PLCE1: variants seen among roughly 807,000 people sequenced by gnomAD.
PLCE1 encodes the protein 1-phosphatidylinositol 4,5-bisphosphate phosphodiesterase epsilon-1.
Under a neutral mutation model 242.8 loss-of-function variants are expected in PLCE1, and 119 were observed. The observed-to-expected ratio is 0.49, with a 90% CI of 0.42 to 0.57. The LOEUF is 0.57. Among genes scored for constraint, PLCE1 ranks in the 20% least tolerant of loss-of-function variants. The pLI, the probability that PLCE1 is intolerant of heterozygous loss-of-function variation, is 0.00. For missense variants in PLCE1, 2,441 were observed against 2,788.8 expected (o/e 0.88, Z 2.81); for synonymous variants, 945 against 1,017.4 (o/e 0.93, Z 1.35).
chr10:94,299,630 A>G (rs537482531), intron 24 of PLCE1, among the ~76,000 whole-genome samples: 1 of 152,332 alleles, frequency 6.6e-6, no homozygotes, highest in East Asian at 1.9e-4. Flanking sequence ...ACTGAATCCA[A>G]TCTCATCTAA....
At chr10:94,224,263 C>T (rs981350753) in intron 4 of PLCE1, among the ~76,000 whole-genome samples, 1 of 152,076 alleles carries the variant, frequency 6.6e-6, no homozygotes, top group African/African-American at 2.4e-5. Flanking sequence ...TTTTTCCTAG[C>T]ATTGTGGGAA....
intron 13 of PLCE1, 69 bp downstream of exon 13, chr10:94,259,219 C>G: frequency 6.9e-7 from 1 of 1,453,952 alleles, no homozygotes; most frequent in Non-Finnish European, 9.7e-7. Context: ...GAGGTCCAGT[C>G]ACACAAACTC....
At chr10:94,010,873 A>G (rs1342984176) in intron 1 of PLCE1, among the ~76,000 whole-genome samples, 1 of 152,192 alleles carries the variant, frequency 6.6e-6, no homozygotes, top group African/African-American at 2.4e-5. Flanking sequence ...TATTTTGGTC[A>G]TGACCATTTA....
chr10:94,049,449 G>T (rs2043701468), intron 2 of PLCE1, among the ~76,000 whole-genome samples: 1 of 152,166 alleles, frequency 6.6e-6, no homozygotes, highest in African/African-American at 2.4e-5. Context: ...CCATACATGT[G>T]TGGGCCTTCT....
chr10:94,262,474 C>A lies in PLCE1; in HGVS notation c.3815-20C>A. 6.7e-7 allele frequency: 1 copy of A among 1,491,902 alleles called. No homozygotes were observed. The highest frequency in any genetic ancestry group is 1.1e-5 in the South Asian group (1 of 88,528). The allele number at this position is 1,491,902 out of a possible 1,614,324, so 92.4% of individuals were successfully genotyped here. Reference sequence around the variant, plus strand: ...AGATGCTGGCTATCTTGTCCATGTACTGTGGTGATTCTGTTTCAGATCTGT... The same window carrying A: ...AGATGCTGGCTATCTTGTCCATGTAATGTGGTGATTCTGTTTCAGATCTGT... On this transcript the variant is annotated intron_variant, in intron 13 of 32. Coordinates refer to ENST00000371380, the MANE Select transcript of PLCE1 (RefSeq NM_016341.4).
chr10:94,045,989 C>T (rs1339568753), intron 2 of PLCE1, among the ~76,000 whole-genome samples: 1 of 151,622 alleles, frequency 6.6e-6, no homozygotes, highest in Non-Finnish European at 1.5e-5. Context: ...GTAATAATAA[C>T]CTTAGTTGGT....
At chr10:94,217,084 G>A (rs953047174) in intron 4 of PLCE1, among the ~76,000 whole-genome samples, 3 of 150,970 alleles carry the variant, frequency 2.0e-5, no homozygotes, top group Non-Finnish European at 4.4e-5. Context: ...GCATGGTAAT[G>A]TAAAAGCACA....
intron 29 of PLCE1, among the ~76,000 whole-genome samples, chr10:94,320,438 C>G (rs2053757188): frequency 6.6e-6 from 1 of 152,134 alleles, no homozygotes; most frequent in Admixed American, 6.5e-5. Flanking sequence ...AGAAGCCAGT[C>G]CTTTCTGGCC....
intron 1 of PLCE1, among the ~76,000 whole-genome samples, chr10:94,016,082 G>T (rs986736465): frequency 6.6e-6 from 1 of 152,150 alleles, no homozygotes; most frequent in Non-Finnish European, 1.5e-5. Flanking sequence ...ACAGGTGAGA[G>T]TATGTGTGGC....
intron 1 of PLCE1, among the ~76,000 whole-genome samples, chr10:94,020,862 C>T (rs1030732096): frequency 6.6e-6 from 1 of 152,162 alleles, no homozygotes; most frequent in African/African-American, 2.4e-5. Context: ...CAGAGTCTCA[C>T]TCTGTTACCC....
intron 3 of PLCE1, among the ~76,000 whole-genome samples, chr10:94,159,234 T>C (rs970397506): frequency 1.3e-4 from 20 of 152,186 alleles, no homozygotes; most frequent in African/African-American, 3.9e-4. Flanking sequence ...TTTTGTGAGC[T>C]CATCTTTTTC....
At position 94,284,899 on chromosome 10, in the gene PLCE1, G is replaced by C; in HGVS notation, c.4969G>C (p.Glu1657Gln). The C allele has an allele frequency of 6.2e-7, 1 of 1,612,146 alleles. No homozygotes were observed. Among genetic ancestry groups the C allele is most frequent in the Non-Finnish European group, 8.5e-7 (1 of 1,178,342 alleles). The change falls in exon 22 of 33, where the codon GAA (glutamate) becomes CAA (glutamine). Residue 1657 changes from glutamate (E) to glutamine (Q), a missense_variant. By Grantham distance (29) the Glu-to-Gln change is conservative. Transcript: ENST00000371380. ...ATTTTATCTTGATCAGAATAAAAAG[G>C]AAAGCAGACAGATTGCACCAGAGCT... ...EEFYLDQNKK[E>Q]SRQIAPELSD...
At chr10:94,282,815 C>CAGTAACGGTCCT (rs2052289776) in intron 20 of PLCE1, among the ~76,000 whole-genome samples, 1 of 152,188 alleles carries the variant, frequency 6.6e-6, no homozygotes, top group Admixed American at 6.5e-5. Flanking sequence ...GCCTCCCCTG[C>CAGTAACGGTCCT]TCCTAACGGT....
intron 22 of PLCE1, among the ~76,000 whole-genome samples, chr10:94,286,497 A>C (rs1449749206): frequency 6.6e-6 from 1 of 152,198 alleles, no homozygotes; most frequent in Non-Finnish European, 1.5e-5. Context: ...TTTTAAAATC[A>C]CAGTTAGGTA....
chr10:94,325,064 T>A lies in PLCE1; in HGVS notation c.6893T>A (p.Met2298Lys). ...PVGGLSSSDT[M>K]DYRQ ...GGTGGCTTGTCCTCCAGTGACACAA[T>A]GGATTACCGACAGTGACTAAGGGCA... is the stretch of plus-strand genomic sequence containing the variant. Residue 2298 changes from methionine (M) to lysine (K), a missense_variant, in exon 32 of 33, where the codon ATG (methionine) becomes AAG (lysine). Met to Lys is a moderately conservative substitution (Grantham distance 95, BLOSUM62 -1). Coordinates refer to ENST00000371380, the MANE Select transcript of PLCE1 (RefSeq NM_016341.4). 1.2e-6 allele frequency: 2 copies of A among 1,614,116 alleles called. No individual in the cohort carries two copies. Among genetic ancestry groups the A allele is most frequent in the Non-Finnish European group, 1.7e-6 (2 of 1,179,970 alleles).
intron 18 of PLCE1, among the ~76,000 whole-genome samples, chr10:94,272,094 G>A (rs891064222): frequency 2.6e-5 from 4 of 152,088 alleles, no homozygotes; most frequent in Admixed American, 1.3e-4. Context: ...CAGAAAACAG[G>A]GTTCAAGAGC....
chr10:94,279,143 C>T (rs1331381675), intron 19 of PLCE1: 3 of 152,428 alleles, frequency 2.0e-5, no homozygotes, highest in Non-Finnish European at 4.4e-5. Context: ...TAGGTAGGTT[C>T]CCAGACCTGT....
At chr10:94,210,834 A>G (rs533832690) in intron 4 of PLCE1, among the ~76,000 whole-genome samples, 1 of 152,312 alleles carries the variant, frequency 6.6e-6, no homozygotes, top group East Asian at 1.9e-4. Flanking sequence ...TAATGAAGAC[A>G]AATAGCAATG....
intron 27 of PLCE1, 46 bp downstream of exon 27, chr10:94,308,745 A>G (rs768179886): frequency 2.3e-6 from 3 of 1,288,938 alleles, no homozygotes; most frequent in Non-Finnish European, 2.3e-6. Context: ...GGATTGCTAC[A>G]CTGAAGGTGG....
Sources: allele counts gnomAD v4.1 joint callset (sites outside exome capture counted in the v4.1 genomes callset), GRCh38; gene constraint gnomAD v4.1.1; transcripts MANE v1.5; gene names NCBI Gene and HGNC (gene_info 2026-07-23, HGNC 2026-07-21).